The following BBX variants were observed in gnomAD, a reference collection of about 807,000 sequenced individuals.
The protein encoded by BBX is HMG box transcription factor BBX.
In BBX, 30 loss-of-function variants were observed where a neutral mutation model predicts 100.2. That is an observed-to-expected ratio of 0.30 (90% confidence interval 0.22 to 0.41). The LOEUF (loss-of-function observed/expected upper bound fraction) is 0.41, where lower values mean the gene tolerates loss of function less well. BBX is among the 10% of genes least tolerant of loss of function. BBX has a pLI of 1.00. For missense variants in BBX, 1,023 were observed against 1,129.8 expected (o/e 0.91, Z 1.35); for synonymous variants, 376 against 388.1 (o/e 0.97, Z 0.37).
chr3:107,701,126 C>T (rs993456476), intron 3 of BBX, among the ~76,000 whole-genome samples: 7 of 152,020 alleles, frequency 4.6e-5, no homozygotes, highest in South Asian at 2.1e-4. Flanking sequence ...TTTTAATGAT[C>T]ACCATTCTAA....
intron 2 of BBX, among the ~76,000 whole-genome samples, chr3:107,549,343 A>G (rs1206622510): frequency 1.3e-5 from 2 of 152,148 alleles, no homozygotes; most frequent in Non-Finnish European, 2.9e-5. Flanking sequence ...AGTAAGCTGT[A>G]TGGTGCATAT....
At chr3:107,754,860 A>G (rs2065351733) in intron 9 of BBX, among the ~76,000 whole-genome samples, 1 of 152,238 alleles carries the variant, frequency 6.6e-6, no homozygotes, top group East Asian at 1.9e-4. Context: ...TATTGAGGCT[A>G]GAAATGGAAA....
rs185233934 is a variant in BBX, at chr3:107,691,582, C to T, written c.-9-18870C>T. Among the ~76,000 whole-genome samples the T allele has an allele frequency of 6.4e-4, 97 of 152,200 alleles. 1 individual carries two copies. Among genetic ancestry groups the T allele is most frequent in the African/African-American group, 2.1e-3 (87 of 41,544 alleles). On this transcript the variant is annotated intron_variant, in intron 3 of 17. Coordinates refer to ENST00000325805, the MANE Select transcript of BBX (RefSeq NM_001142568.3). ...CAGCATGACGCAAGTATAAAACAAA[C>T]GGTTTTCTGCTCAACACTAGTTATA... is the stretch of plus-strand genomic sequence containing the variant.
chr3:107,547,182 G>A (rs996888929), intron 2 of BBX, among the ~76,000 whole-genome samples: 13 of 152,080 alleles, frequency 8.5e-5, no homozygotes, highest in Non-Finnish European at 1.3e-4. Context: ...AATATTTATA[G>A]CTTTGAATCT....
intron 3 of BBX, among the ~76,000 whole-genome samples, chr3:107,707,641 G>A (rs2061466058): frequency 6.6e-6 from 1 of 152,150 alleles, no homozygotes; most frequent in Admixed American, 6.5e-5. Flanking sequence ...ATTAATTTCT[G>A]GAGTATCAGA....
intron 2 of BBX, among the ~76,000 whole-genome samples, chr3:107,598,624 T>C (rs552650127): frequency 1.3e-5 from 2 of 152,324 alleles, no homozygotes; most frequent in South Asian, 4.1e-4. Flanking sequence ...ATTAATTCTT[T>C]AGTTTTACAG....
chr3:107,588,663 G>T (rs553900489), intron 2 of BBX, among the ~76,000 whole-genome samples: 20 of 152,020 alleles, frequency 1.3e-4, no homozygotes, highest in African/African-American at 4.8e-4. Context: ...ATACACTTTG[G>T]CCATTAAGAT....
intron 2 of BBX, among the ~76,000 whole-genome samples, chr3:107,569,544 C>A (rs561691578): frequency 6.6e-6 from 1 of 151,876 alleles, no homozygotes; most frequent in Non-Finnish European, 1.5e-5. Flanking sequence ...GGGAAAAGGG[C>A]GGCAATGAGA....
intron 2 of BBX, among the ~76,000 whole-genome samples, chr3:107,536,461 C>G (rs1366503994): frequency 6.6e-6 from 1 of 152,106 alleles, no homozygotes; most frequent in Non-Finnish European, 1.5e-5. Context: ...TATGATCTTA[C>G]TAAGAGTGTG....
chr3:107,712,110 C>G (rs1013313421), intron 4 of BBX, among the ~76,000 whole-genome samples: 1 of 152,170 alleles, frequency 6.6e-6, no homozygotes, highest in Non-Finnish European at 1.5e-5. Flanking sequence ...CTCATGGCTT[C>G]AAGCAATCCT....
At chr3:107,585,311 A>G (rs769819504) in intron 2 of BBX, among the ~76,000 whole-genome samples, 35 of 152,198 alleles carry the variant, frequency 2.3e-4, no homozygotes, top group Non-Finnish European at 4.4e-4. Context: ...CCATTGACAC[A>G]TATTTTTAAA....
intron 3 of BBX, among the ~76,000 whole-genome samples, chr3:107,693,545 T>A (rs1316310759): frequency 6.6e-6 from 1 of 151,726 alleles, no homozygotes; most frequent in Non-Finnish European, 1.5e-5. Flanking sequence ...TCTGTTCTGT[T>A]CCATTGATCT....
chr3:107,598,080 A>C lies in BBX; in HGVS notation c.-83-47756A>C, dbSNP rs566379148. ...ATTGATTTACTACCTGTGTGCCTGC[A>C]TATCCTTTGGAAAACCATGTGCTTC... On this transcript the variant is annotated intron_variant, in intron 2 of 17. Transcript: ENST00000325805. 2.0e-5 allele frequency among the ~76,000 whole-genome samples: 3 copies of C among 152,330 alleles called. No individual in the cohort carries two copies. The East Asian group carries it at 5.8e-4, about 29-fold the overall frequency.
chr3:107,770,334 C>G (rs1576724886), intron 10 of BBX, among the ~76,000 whole-genome samples: 1 of 152,172 alleles, frequency 6.6e-6, no homozygotes, highest in East Asian at 1.9e-4. Context: ...CTATTAAAAG[C>G]CACCAGAGTG....
intron 13 of BBX, among the ~76,000 whole-genome samples, chr3:107,782,077 G>A (rs989904463): frequency 3.3e-5 from 5 of 152,050 alleles, no homozygotes; most frequent in Admixed American, 1.3e-4. Context: ...GAAAGTCTCC[G>A]CTGCCACCAG....
chr3:107,523,231 G>GCGT (rs995171501), intron 1 of BBX, 124 bp downstream of exon 1: 1 of 224,924 alleles, frequency 4.4e-6, no homozygotes, highest in African/African-American at 2.4e-5. Flanking sequence ...GGCGGCGGCG[G>GCGT]CGGCGGCGGC....
intron 2 of BBX, among the ~76,000 whole-genome samples, chr3:107,593,887 A>T (rs1258422050): frequency 1.3e-5 from 2 of 152,216 alleles, no homozygotes; most frequent in Non-Finnish European, 2.9e-5. Context: ...ATTCAAAGGA[A>T]CCCAGAAATA....
intron 3 of BBX, among the ~76,000 whole-genome samples, chr3:107,700,427 A>C (rs2060953194): frequency 6.9e-6 from 1 of 144,938 alleles, no homozygotes. Flanking sequence ...TATTATTATT[A>C]TTATTATTAT....
intron 17 of BBX, among the ~76,000 whole-genome samples, chr3:107,802,636 G>A (rs2070625999): frequency 6.6e-6 from 1 of 152,206 alleles, no homozygotes; most frequent in South Asian, 2.1e-4. Flanking sequence ...GGTAGGAAAA[G>A]GCTAGCACAT....
Sources: gnomAD v4.1 joint callset for allele counts (sites outside exome capture counted in the v4.1 genomes callset) on GRCh38, gnomAD v4.1.1 for gene constraint, MANE v1.5 for transcripts, NCBI Gene and HGNC (gene_info 2026-07-23, HGNC 2026-07-21) for gene names.